Variants in INA observed in about 807,000 individuals in gnomAD.
The protein encoded by INA is internexin neuronal intermediate filament protein alpha, also known as alpha-internexin.
Under a neutral mutation model 40.1 loss-of-function variants are expected in INA, and 35 were observed. The ratio of observed to expected loss-of-function variants is 0.87; its 90% CI spans 0.67 to 1.16. The LOEUF (loss-of-function observed/expected upper bound fraction) is 1.16, where lower values mean the gene tolerates loss of function less well. INA is among the 50% of genes most tolerant of loss of function. The pLI is 0.00. For synonymous variants in INA, 290 were observed against 316.9 expected (o/e 0.92, Z 0.90); for missense variants, 594 against 686.7 (o/e 0.87, Z 1.51).
intron 2 of INA, among the ~76,000 whole-genome samples, chr10:103,288,126 C>T (rs1164640821): frequency 6.6e-6 from 1 of 152,238 alleles, no homozygotes; most frequent in South Asian, 2.1e-4. Context: ...GATAGGTTTT[C>T]CTTTGACAAT....
chr10:103,288,318 A>C (rs771891289), intron 2 of INA, 42 bp from the exon 3 acceptor site: 1 of 1,524,712 alleles, frequency 6.6e-7, no homozygotes. Context: ...GGGGGGGAAA[A>C]GTTATTGACT....
Position 103,288,672 on chromosome 10 carries a change from C to A in INA, c.*3C>A. On this transcript the variant is annotated 3_prime_UTR_variant, in exon 3 of 3. Coordinates refer to ENST00000369849, the MANE Select transcript of INA (RefSeq NM_032727.4). ...CCATTTCAAGCCAAAAAATATAATTCCATTGCTTTGAAAAAGTTAATGCTT... is the reference window on the plus strand; with the variant it reads ...CCATTTCAAGCCAAAAAATATAATTACATTGCTTTGAAAAAGTTAATGCTT... The A allele has an allele frequency of 6.5e-7, 1 of 1,548,186 alleles. No homozygotes were observed. The highest frequency in any genetic ancestry group is 1.2e-5 in the South Asian group (1 of 81,390).
intron 1 of INA, among the ~76,000 whole-genome samples, chr10:103,285,114 G>A (rs2093082470): frequency 6.6e-6 from 1 of 152,070 alleles, no homozygotes; most frequent in South Asian, 2.1e-4. Flanking sequence ...CTCCCTAGTA[G>A]CTGGGATTAT....
intron 2 of INA, 80 bp from the exon 3 acceptor site, chr10:103,288,280 A>G: frequency 8.2e-7 from 1 of 1,219,854 alleles, no homozygotes; most frequent in Non-Finnish European, 1.2e-6. Context: ...TCTCTCTCAA[A>G]TGAATCAGGA....
intron 1 of INA, among the ~76,000 whole-genome samples, chr10:103,283,479 C>T (rs1032195009): frequency 2.0e-5 from 3 of 152,142 alleles, no homozygotes; most frequent in African/African-American, 4.8e-5. Context: ...CAGTATAATA[C>T]GTATTTTTCC....
intron 1 of INA, 129 bp from the exon 2 acceptor site, chr10:103,286,906 G>A: frequency 2.2e-6 from 2 of 927,724 alleles, no homozygotes; most frequent in Non-Finnish European, 3.2e-6. Flanking sequence ...GACAGACCTG[G>A]ATATAAGCAA....
chr10:103,282,084 C>A (rs1053608740), intron 1 of INA, among the ~76,000 whole-genome samples: 1 of 152,200 alleles, frequency 6.6e-6, no homozygotes, highest in Non-Finnish European at 1.5e-5. Context: ...ACAAAGAGAC[C>A]AGACATTGAA....
chr10:103,285,072 C>T (rs1344332019), intron 1 of INA, among the ~76,000 whole-genome samples: 3 of 152,070 alleles, frequency 2.0e-5, no homozygotes, highest in Non-Finnish European at 2.9e-5. Context: ...CAACCTCCGC[C>T]TCCCAGATTC....
intron 1 of INA, among the ~76,000 whole-genome samples, chr10:103,279,499 A>G (rs1019971722): frequency 1.3e-5 from 2 of 152,202 alleles, no homozygotes; most frequent in African/African-American, 4.8e-5. Context: ...GGGTAAATGG[A>G]AGGTGTAGAA....
intron 1 of INA, among the ~76,000 whole-genome samples, chr10:103,284,904 G>A (rs1232528856): frequency 6.6e-6 from 1 of 152,142 alleles, no homozygotes; most frequent in African/African-American, 2.4e-5. Context: ...TAAAGTGCTG[G>A]GTTGGTCGAG....
chr10:103,282,640 TATC>T (rs1268709310), intron 1 of INA, among the ~76,000 whole-genome samples: 7 of 152,322 alleles, frequency 4.6e-5, no homozygotes, highest in African/African-American at 1.4e-4. Context: ...AATTGATTAT[TATC>T]ATGACCCTTA....
At position 103,277,491 on chromosome 10, in the gene INA, G is replaced by A; in HGVS notation, c.280G>A (p.Glu94Lys). The A allele has an allele frequency of 1.3e-6, 2 of 1,589,194 alleles. No homozygotes were observed. Among genetic ancestry groups the A allele is most frequent in the Non-Finnish European group, 1.7e-6 (2 of 1,170,970 alleles). Residue 94 changes from glutamate to lysine, a missense_variant, in exon 1 of 3, where the codon GAG (glutamate) becomes AAG (lysine). Glu to Lys is a moderately conservative substitution (Grantham distance 56). This residue lies in a region of INA where 215 missense variants were observed against 190.6 expected (regional missense o/e 1.13). Transcript: ENST00000369849. This position sits in a 1 kb window ranked among gnomAD's most constrained non-coding sequence, Gnocchi z 5.6. ...TNEYKIIRTN[E>K]KEQLQGLNDR... ...CGAGTACAAGATCATCCGCACCAAC[G>A]AGAAGGAGCAGCTGCAGGGCCTCAA...
chr10:103,288,318 A>T (rs771891289), intron 2 of INA, 42 bp from the exon 3 acceptor site: 3 of 1,524,712 alleles, frequency 2.0e-6, no homozygotes, highest in Non-Finnish European at 2.6e-6. Flanking sequence ...GGGGGGGAAA[A>T]GTTATTGACT....
chr10:103,285,151 T>C (rs193278121), intron 1 of INA, among the ~76,000 whole-genome samples: 2 of 151,882 alleles, frequency 1.3e-5, no homozygotes, highest in Admixed American at 1.3e-4. Context: ...GCCCGGCTAA[T>C]TTTTGTATTT....
chr10:103,277,784 C>T lies in INA; in HGVS notation c.573C>T (p.Gly191=). 6.6e-7 allele frequency: 1 copy of T among 1,505,912 alleles called. No homozygotes were observed. The highest frequency in any genetic ancestry group is 8.8e-7 in the Non-Finnish European group (1 of 1,135,164). 93.3% of individuals were successfully genotyped at this position (1,505,912 alleles called of 1,614,324 possible). A position where few individuals can be genotyped will look rare whatever the true frequency, so the allele number is the denominator to read the frequency against. Residue 191 remains glycine, a synonymous_variant, in exon 1 of 3, where the codon GGC becomes GGT. Transcript: ENST00000369849. This position sits in a 1 kb window ranked among gnomAD's most constrained non-coding sequence, Gnocchi z 5.6. The part of the protein sequence containing the change: ...RCEEESRGRE[G]AERALKAQQR... ...AGGAGGAGAGCCGCGGACGCGAAGG[C>T]GCCGAGCGCGCCCTGAAGGCGCAGC...
rs765170021 is a variant in INA, at chr10:103,277,326, C to G, written c.115C>G (p.Arg39Gly). The G allele has an allele frequency of 1.3e-6, 2 of 1,583,100 alleles. No individual in the cohort carries two copies. Among genetic ancestry groups the G allele is most frequent in the Admixed American group, 3.5e-5 (2 of 57,788 alleles). The change falls in exon 1 of 3, where the codon CGC becomes GGC. Residue 39 changes from arginine to glycine, a missense_variant. Coordinates refer to ENST00000369849, the MANE Select transcript of INA (RefSeq NM_032727.4). This position sits in a 1 kb window ranked among gnomAD's most constrained non-coding sequence, Gnocchi z 5.6. ...LSGAGGAGGF[R>G]SQSLSRSNVA... Reference sequence around the variant, plus strand: ...TGGGGCCGGCGGCGCGGGCGGCTTCCGCTCGCAGTCGCTGTCCCGCAGCAA... The same window carrying G: ...TGGGGCCGGCGGCGCGGGCGGCTTCGGCTCGCAGTCGCTGTCCCGCAGCAA...
Position 103,288,866 on chromosome 10 carries a change from G to A in INA, c.*197G>A, listed in dbSNP as rs1043481453. ...GATTGAAGTAAACTGCAGTCCTGGA[G>A]CAATCACAGATGAGTTATCTAAGAA... is the stretch of plus-strand genomic sequence containing the variant. On this transcript the variant is annotated 3_prime_UTR_variant, in exon 3 of 3. Transcript: ENST00000369849. 6 of 441,526 alleles carry A rather than the reference G, an allele frequency of 1.4e-5. No homozygotes were observed. The highest frequency in any genetic ancestry group is 2.4e-5 in the Non-Finnish European group (6 of 249,012). 27.4% of individuals were successfully genotyped at this position (441,526 alleles called of 1,614,324 possible). A position where few individuals can be genotyped will look rare whatever the true frequency, so the allele number is the denominator to read the frequency against.
intron 1 of INA, among the ~76,000 whole-genome samples, chr10:103,282,220 T>C (rs1457183199): frequency 6.6e-6 from 1 of 152,250 alleles, no homozygotes; most frequent in Non-Finnish European, 1.5e-5. Flanking sequence ...AAATCTCATC[T>C]GTCTAGAACT....
At position 103,289,736 on chromosome 10, in the gene INA, GC is replaced by G. The variant is rs2093095504; in HGVS notation, c.*1068del. The G allele has an allele frequency of 1.3e-5, 2 of 152,098 alleles. No individual in the cohort carries two copies. The highest frequency in any genetic ancestry group is 1.3e-4 in the Admixed American group (2 of 15,244). The allele number at this position is 152,098 out of a possible 1,614,324, so 9.4% of individuals were successfully genotyped here. On this transcript the variant is annotated 3_prime_UTR_variant, in exon 3 of 3. Coordinates refer to ENST00000369849, the MANE Select transcript of INA (RefSeq NM_032727.4). ...TCCCACTAGCCTAGGTCATAAAGAGGCGTTGCTTTCACTCTCCTATGCCTTT... is the reference window on the plus strand; with the variant it reads ...TCCCACTAGCCTAGGTCATAAAGAGGGTTGCTTTCACTCTCCTATGCCTTT...
Sources: gnomAD v4.1 joint callset for allele counts (sites outside exome capture counted in the v4.1 genomes callset) on GRCh38, gnomAD v4.1.1 for gene constraint, gnomAD v4.1.1 regional missense constraint, Gnocchi (gnomAD v3.1) non-coding constraint, MANE v1.5 for transcripts, NCBI Gene and HGNC (gene_info 2026-07-23, HGNC 2026-07-21) for gene names.